FAM200B: variants seen among roughly 807,000 people sequenced by gnomAD.
FAM200B encodes protein FAM200B.
A neutral mutation model predicts 33.1 loss-of-function variants in FAM200B; 32 were observed. The ratio of observed to expected loss-of-function variants is 0.97; its 90% CI spans 0.73 to 1.30. FAM200B has a LOEUF of 1.30. Among genes scored for constraint, FAM200B ranks in the 50% most tolerant of loss-of-function variants. The pLI, the probability that FAM200B is intolerant of heterozygous loss-of-function variation, is 0.00. For missense variants in FAM200B, 741 were observed against 754.0 expected (o/e 0.98, Z 0.20); for synonymous variants, 240 against 264.8 (o/e 0.91, Z 0.91).
upstream of FAM200B, among the ~76,000 whole-genome samples, chr4:15,677,027 T>C (rs1202744566): frequency 1.3e-5 from 2 of 152,196 alleles, no homozygotes; most frequent in Non-Finnish European, 2.9e-5. Context: ...ACTCCGTTTA[T>C]ATTAAGGTCA....
chr4:15,659,307 A>G, the FAM200B span, among the ~76,000 whole-genome samples: 1 of 152,230 alleles, frequency 6.6e-6, no homozygotes, highest in Non-Finnish European at 1.5e-5. Flanking sequence ...CCTGTTATTC[A>G]GTAATATACA....
chr4:15,675,404 CATT>C, the FAM200B span, among the ~76,000 whole-genome samples: 3 of 152,014 alleles, frequency 2.0e-5, no homozygotes, highest in Admixed American at 6.6e-5. Context: ...GATTTTCTTG[CATT>C]GTTCCTATCC....
the FAM200B span, chr4:15,656,308 G>T: frequency 2.2e-6 from 1 of 456,264 alleles, no homozygotes; most frequent in South Asian, 1.5e-5. Flanking sequence ...CTCTGCTCAC[G>T]CCGGTCAGTC....
chr4:15,676,750 A>G (rs965293876), upstream of FAM200B, among the ~76,000 whole-genome samples: 21 of 152,138 alleles, frequency 1.4e-4, no homozygotes, highest in African/African-American at 4.8e-4. Context: ...TGTTGGGTTC[A>G]TTATACAATT....
chr4:15,689,925 T>C lies in FAM200B; in HGVS notation c.*974T>C, dbSNP rs1719244466. 6.0e-6 allele frequency: 1 copy of C among 167,126 alleles called. No individual in the cohort carries two copies. Among genetic ancestry groups the C allele is most frequent in the South Asian group, 2.1e-4 (1 of 4,836 alleles). 10.4% of individuals were successfully genotyped at this position (167,126 alleles called of 1,614,324 possible). On this transcript the variant is annotated 3_prime_UTR_variant, in exon 2 of 2. Transcript: ENST00000422728. ...ATTGTCATTCTGCCACCCTGGAGTA[T>C]ATAATTTTTAATTATCTGATTACTG...
the FAM200B span, among the ~76,000 whole-genome samples, chr4:15,675,327 G>A: frequency 6.6e-6 from 1 of 152,004 alleles, no homozygotes; most frequent in African/African-American, 2.4e-5. Context: ...ATAAAAATGA[G>A]GTGAATAAGT....
At chr4:15,641,719 G>C in the FAM200B span, 2 of 418,496 alleles carry the variant, frequency 4.8e-6, no homozygotes, top group South Asian at 3.5e-5. Context: ...TTGTTCAAGG[G>C]TCAACTGTAC....
At chr4:15,657,118 C>A in the FAM200B span, among the ~76,000 whole-genome samples, 3 of 152,182 alleles carry the variant, frequency 2.0e-5, no homozygotes, top group Non-Finnish European at 4.4e-5. Flanking sequence ...TTTGCCAGGA[C>A]TTTGCCTCTA....
chr4:15,638,502 T>A, the FAM200B span: 1 of 1,569,042 alleles, frequency 6.4e-7, no homozygotes, highest in Non-Finnish European at 8.6e-7. Flanking sequence ...TATATATGAA[T>A]CTCACCTTTA....
chr4:15,638,584 T>A, the FAM200B span: 2 of 1,613,332 alleles, frequency 1.2e-6, no homozygotes, highest in Non-Finnish European at 1.7e-6. Flanking sequence ...GGCTAAGACC[T>A]CTAAGGAGTT....
chr4:15,677,517 A>G (rs71601488), upstream of FAM200B, among the ~76,000 whole-genome samples: 857 of 152,288 alleles, frequency 5.6e-3, 10 homozygotes, highest in Non-Finnish European at 8.6e-3. Flanking sequence ...CCATCTCACT[A>G]TCTCTGACAA....
chr4:15,641,508 C>G, the FAM200B span: 1 of 380,982 alleles, frequency 2.6e-6, no homozygotes, highest in African/African-American at 2.4e-5. Context: ...TAGTAACATT[C>G]TTTTCTCTAG....
the FAM200B span, among the ~76,000 whole-genome samples, chr4:15,675,612 G>C: frequency 3.6e-5 from 3 of 83,662 alleles, no homozygotes; most frequent in Admixed American, 1.8e-4. Context: ...GCAGAGTTTT[G>C]CTCTTGCTGC....
the FAM200B span, among the ~76,000 whole-genome samples, chr4:15,669,096 A>T: frequency 6.6e-6 from 1 of 152,228 alleles, no homozygotes; most frequent in African/African-American, 2.4e-5. Context: ...CAACTGAATT[A>T]GATATATAGT....
chr4:15,674,269 T>C, the FAM200B span, among the ~76,000 whole-genome samples: 1 of 150,994 alleles, frequency 6.6e-6, no homozygotes, highest in Non-Finnish European at 1.5e-5. Context: ...TTGGAGGAAA[T>C]AGGATTGTTC....
chr4:15,652,767 T>A, the FAM200B span, among the ~76,000 whole-genome samples: 8 of 152,210 alleles, frequency 5.3e-5, no homozygotes, highest in Non-Finnish European at 1.2e-4. Context: ...AAATAGTAAC[T>A]GACTTCTTGA....
chr4:15,636,792 G>T, the FAM200B span: 2 of 685,564 alleles, frequency 2.9e-6, no homozygotes, highest in South Asian at 2.3e-5. Context: ...CTTCCTGCTT[G>T]CAAGATGTGA....
chr4:15,649,578 C>CAAAAAAAAAAAA, the FAM200B span, among the ~76,000 whole-genome samples: 3 of 81,344 alleles, frequency 3.7e-5, no homozygotes, highest in Non-Finnish European at 4.9e-5. Flanking sequence ...GACTACGTCT[C>CAAAAAAAAAAAA]AAAAAAAAAA....
chr4:15,656,124 G>C, the FAM200B span: 10 of 454,740 alleles, frequency 2.2e-5, no homozygotes, highest in Admixed American at 1.2e-4. Context: ...ACGGGCCTTG[G>C]GGGTGGGGAG....
Sources: gnomAD v4.1 joint callset for allele counts (sites outside exome capture counted in the v4.1 genomes callset) on GRCh38, gnomAD v4.1.1 for gene constraint, MANE v1.5 for transcripts, NCBI Gene and HGNC (gene_info 2026-07-23, HGNC 2026-07-21) for gene names.